TAFA1: variants seen among roughly 807,000 people sequenced by gnomAD.
The protein encoded by TAFA1 is chemokine-like protein TAFA-1.
A neutral mutation model predicts 18.5 loss-of-function variants in TAFA1; 4 were observed. The observed-to-expected ratio is 0.22, with a 90% CI of 0.11 to 0.49. The LOEUF is 0.49. Ranked by LOEUF, TAFA1 falls within the 20% of genes least tolerant of loss-of-function variation. The probability of loss-of-function intolerance (pLI) is 0.98; values close to 1 mark genes in which losing one functional copy is unlikely to be tolerated. For synonymous variants in TAFA1, 56 were observed against 55.2 expected (o/e 1.01, Z -0.06); for missense variants, 147 against 169.0 (o/e 0.87, Z 0.72).
intron 2 of TAFA1, among the ~76,000 whole-genome samples, chr3:68,327,975 A>G (rs967590199): frequency 1.3e-5 from 2 of 152,170 alleles, no homozygotes; most frequent in Non-Finnish European, 2.9e-5. Context: ...GCATCTGGGT[A>G]TTGAGACTAC....
intron 2 of TAFA1, 44 bp downstream of exon 2, chr3:68,006,788 C>T (rs1471845271): frequency 1.5e-6 from 2 of 1,331,208 alleles, no homozygotes. Flanking sequence ...CCAGTCTTAC[C>T]ACTATTTCCT....
chr3:68,235,786 G>A (rs2066921313), intron 2 of TAFA1, among the ~76,000 whole-genome samples: 1 of 152,096 alleles, frequency 6.6e-6, no homozygotes, highest in Non-Finnish European at 1.5e-5. Flanking sequence ...AAAACTGGCC[G>A]AGTGCAAACC....
At chr3:68,370,104 C>A (rs188477407) in intron 2 of TAFA1, among the ~76,000 whole-genome samples, 3 of 149,654 alleles carry the variant, frequency 2.0e-5, no homozygotes. Flanking sequence ...CTGGCTAACA[C>A]GGTGAAACCC....
At chr3:68,177,491 T>C (rs1465088096) in intron 2 of TAFA1, among the ~76,000 whole-genome samples, 6 of 152,200 alleles carry the variant, frequency 3.9e-5, no homozygotes, top group Admixed American at 1.3e-4. Context: ...GACTTCTAGC[T>C]GTAGTAATCA....
intron 2 of TAFA1, among the ~76,000 whole-genome samples, chr3:68,348,965 C>A (rs1164729018): frequency 6.6e-6 from 1 of 151,624 alleles, no homozygotes; most frequent in African/African-American, 2.4e-5. Context: ...GGTGTAGAAG[C>A]TTTTTGCTTC....
chr3:68,128,633 C>T (rs1274285998), intron 2 of TAFA1, among the ~76,000 whole-genome samples: 1 of 152,140 alleles, frequency 6.6e-6, no homozygotes, highest in East Asian at 1.9e-4. Context: ...ATGATTGGTC[C>T]TCTCTGCTCT....
At chr3:68,514,732 G>A (rs201573632) in intron 3 of TAFA1, among the ~76,000 whole-genome samples, 11 of 139,994 alleles carry the variant, frequency 7.9e-5, no homozygotes, top group Non-Finnish European at 1.3e-4. Flanking sequence ...AAAAAAAAAC[G>A]TTTTTTCCCA....
At chr3:68,176,166 A>G (rs957778640) in intron 2 of TAFA1, among the ~76,000 whole-genome samples, 3 of 152,160 alleles carry the variant, frequency 2.0e-5, no homozygotes, top group African/African-American at 7.2e-5. Context: ...CAGCATGAAA[A>G]TGGACTAATA....
intron 3 of TAFA1, among the ~76,000 whole-genome samples, chr3:68,441,271 C>T (rs1057052412): frequency 4.6e-5 from 7 of 152,134 alleles, no homozygotes; most frequent in Admixed American, 3.3e-4. Flanking sequence ...GTAAGCTGCT[C>T]TGCCACTTGG....
At chr3:68,231,430 G>A (rs541293173) in intron 2 of TAFA1, among the ~76,000 whole-genome samples, 290 of 131,622 alleles carry the variant, frequency 2.2e-3, no homozygotes, top group Non-Finnish European at 3.7e-3. Context: ...GCGCAATCTC[G>A]GCTCACTGCA....
In TAFA1 at chr3:68,176,501, G is replaced by A. The variant is rs533453592; in HGVS notation, c.118+169757G>A. Among the ~76,000 whole-genome samples, 11 of 152,252 alleles carry A rather than the reference G, an allele frequency of 7.2e-5. No individual in the cohort carries two copies. The South Asian group carries it at 2.3e-3, about 32-fold the overall frequency. The stretch of plus-strand genomic sequence containing the variant: ...CACCAAGTAAATAATAAAGTTTACA[G>A]ATCATTTAGTCTCCCCTATAATTTT... On this transcript the variant is annotated intron_variant, in intron 2 of 4. Coordinates refer to ENST00000478136, the MANE Select transcript of TAFA1 (RefSeq NM_213609.4).
chr3:68,263,124 G>A (rs1178636552), intron 2 of TAFA1, among the ~76,000 whole-genome samples: 1 of 152,058 alleles, frequency 6.6e-6, no homozygotes, highest in African/African-American at 2.4e-5. Context: ...AAGAGATGGT[G>A]TCTTACTATG....
At chr3:68,180,591 G>A (rs372502258) in intron 2 of TAFA1, among the ~76,000 whole-genome samples, 314 of 152,320 alleles carry the variant, frequency 2.1e-3, no homozygotes, top group African/African-American at 7.3e-3. Flanking sequence ...AGTAGGAGGT[G>A]AGTAGTGTCT....
intron 3 of TAFA1, among the ~76,000 whole-genome samples, chr3:68,443,309 A>G (rs1559672397): frequency 6.6e-6 from 1 of 151,866 alleles, no homozygotes; most frequent in African/African-American, 2.4e-5. Flanking sequence ...TGGCCACCAA[A>G]TATCTGTGCC....
At chr3:68,088,115 T>C (rs6794683) in intron 2 of TAFA1, among the ~76,000 whole-genome samples, 57,170 of 152,054 alleles carry the variant, frequency 0.38, 11,012 homozygotes, top group East Asian at 0.48. Flanking sequence ...TTAACACAGC[T>C]GGCTATTACT....
At chr3:68,395,935 A>G (rs995649312) in intron 2 of TAFA1, among the ~76,000 whole-genome samples, 1 of 150,940 alleles carries the variant, frequency 6.6e-6, no homozygotes, top group Non-Finnish European at 1.5e-5. Context: ...CCAGAACTTA[A>G]AGTATAATAA....
chr3:68,341,756 A>C (rs1047686092), intron 2 of TAFA1, among the ~76,000 whole-genome samples: 1 of 152,180 alleles, frequency 6.6e-6, no homozygotes, highest in Non-Finnish European at 1.5e-5. Context: ...CACTGTCATA[A>C]TTTCCTGAGT....
At chr3:68,450,867 A>G (rs182705951) in intron 3 of TAFA1, among the ~76,000 whole-genome samples, 1 of 152,320 alleles carries the variant, frequency 6.6e-6, no homozygotes, top group Non-Finnish European at 1.5e-5. Flanking sequence ...TTATATCTCT[A>G]CTGCAACTAA....
intron 2 of TAFA1, among the ~76,000 whole-genome samples, chr3:68,116,865 T>C (rs1253741157): frequency 1.3e-5 from 2 of 152,196 alleles, no homozygotes; most frequent in Non-Finnish European, 2.9e-5. Flanking sequence ...GCATTGCCCA[T>C]TGATTTACTT....
Sources: allele counts gnomAD v4.1 joint callset (sites outside exome capture counted in the v4.1 genomes callset), GRCh38; gene constraint gnomAD v4.1.1; transcripts MANE v1.5; gene names NCBI Gene and HGNC (gene_info 2026-07-23, HGNC 2026-07-21).